Variants in SNTG1 observed in about 807,000 individuals in gnomAD.
The protein encoded by SNTG1 is syntrophin gamma 1.
Under a neutral mutation model 74.7 loss-of-function variants are expected in SNTG1, and 39 were observed. The ratio of observed to expected loss-of-function variants is 0.52; its 90% CI spans 0.40 to 0.68. The LOEUF (loss-of-function observed/expected upper bound fraction) is 0.68, where lower values mean the gene tolerates loss of function less well. Among genes scored for constraint, SNTG1 ranks in the 30% least tolerant of loss-of-function variants. The pLI is 0.00. For missense variants in SNTG1, 685 were observed against 609.5 expected, an observed-to-expected ratio of 1.12 and a Z score of -1.30; for synonymous variants, 254 against 217.1, an observed-to-expected ratio of 1.17 and a Z score of -1.49.
intron 15 of SNTG1, among the ~76,000 whole-genome samples, chr8:50,671,849 GAAT>G (rs1431359527): frequency 6.6e-6 from 1 of 151,758 alleles, no homozygotes; most frequent in East Asian, 1.9e-4. Context: ...ATACACCATG[GAAT>G]ATTATGCAGC....
intron 18 of SNTG1, among the ~76,000 whole-genome samples, chr8:50,789,556 G>T (rs887863188): frequency 1.4e-4 from 21 of 151,932 alleles, no homozygotes. Context: ...TCTAATATGC[G>T]TTCAGATGTA....
At chr8:50,109,469 A>G (rs1586313636) in intron 1 of SNTG1, among the ~76,000 whole-genome samples, 1 of 152,292 alleles carries the variant, frequency 6.6e-6, no homozygotes, top group Admixed American at 6.5e-5. Flanking sequence ...ATAGTGGGGA[A>G]AATTGGTAAA....
intron 5 of SNTG1, among the ~76,000 whole-genome samples, chr8:50,443,856 AG>A (rs2093380908): frequency 6.6e-6 from 1 of 152,190 alleles, no homozygotes; most frequent in Admixed American, 6.5e-5. Context: ...AAATAAGACC[AG>A]GCACGGTGGC....
chr8:50,606,009 T>A (rs2094809646), intron 13 of SNTG1, among the ~76,000 whole-genome samples: 1 of 152,172 alleles, frequency 6.6e-6, no homozygotes, highest in African/African-American at 2.4e-5. Context: ...TTGATGTGTA[T>A]TTGAATTTCC....
chr8:50,335,237 C>T (rs1410514593), intron 2 of SNTG1, among the ~76,000 whole-genome samples: 1 of 152,148 alleles, frequency 6.6e-6, no homozygotes, highest in African/African-American at 2.4e-5. Context: ...GCAGTCATAA[C>T]AGATAACCAC....
intron 13 of SNTG1, among the ~76,000 whole-genome samples, chr8:50,650,088 A>C (rs986655695): frequency 6.6e-6 from 1 of 151,942 alleles, no homozygotes; most frequent in Non-Finnish European, 1.5e-5. Flanking sequence ...AGAATAATTT[A>C]AATAATTCAC....
chr8:50,068,380 C>A (rs1260657742), intron 1 of SNTG1, among the ~76,000 whole-genome samples: 1 of 152,132 alleles, frequency 6.6e-6, no homozygotes, highest in East Asian at 1.9e-4. Flanking sequence ...GGAGTCAAAC[C>A]ACAGTAGTCA....
At chr8:50,153,453 G>A (rs910653068) in intron 1 of SNTG1, among the ~76,000 whole-genome samples, 6 of 152,314 alleles carry the variant, frequency 3.9e-5, no homozygotes, top group Non-Finnish European at 8.8e-5. Flanking sequence ...GAGGAGCTGT[G>A]TTCCTTTGGA....
chr8:50,583,154 G>A (rs1169427347), intron 12 of SNTG1, among the ~76,000 whole-genome samples: 1 of 151,996 alleles, frequency 6.6e-6, no homozygotes, highest in Non-Finnish European at 1.5e-5. Context: ...GTAATCTTAA[G>A]TACTTTGGGA....
chr8:50,629,624 A>C (rs1318457667), intron 13 of SNTG1, among the ~76,000 whole-genome samples: 1 of 152,032 alleles, frequency 6.6e-6, no homozygotes, highest in Non-Finnish European at 1.5e-5. Flanking sequence ...TAATTTTAGA[A>C]CCTGAGTGGT....
intron 5 of SNTG1, among the ~76,000 whole-genome samples, chr8:50,448,685 T>TAA (rs1397444358): frequency 6.6e-6 from 1 of 152,222 alleles, no homozygotes; most frequent in Admixed American, 6.5e-5. Flanking sequence ...TTCTTTCACA[T>TAA]AAGTTTAGCT....
At chr8:50,177,253 G>C (rs1206583116) in intron 2 of SNTG1, among the ~76,000 whole-genome samples, 3 of 152,310 alleles carry the variant, frequency 2.0e-5, no homozygotes, top group African/African-American at 7.2e-5. Context: ...GTGTCTCCCT[G>C]AGAGTGTGGG....
chr8:50,301,687 T>A (rs1465739904), intron 2 of SNTG1, among the ~76,000 whole-genome samples: 6 of 152,122 alleles, frequency 3.9e-5, no homozygotes, highest in African/African-American at 1.4e-4. Context: ...AATTTTAGAT[T>A]CTCACATCCC....
rs533769936 is a variant in SNTG1 at position 50,735,432 on chromosome 8, C to A, written c.1285-16569C>A. The stretch of plus-strand genomic sequence containing the variant: ...CCAGTTTAGGGAAGAACACAAATGA[C>A]CTGATGGAGCTGAGAAACATAGCAC... On this transcript the variant is annotated intron_variant, in intron 17 of 18. Coordinates refer to ENST00000642720, the MANE Select transcript of SNTG1 (RefSeq NM_018967.5). Among the ~76,000 whole-genome samples the A allele has an allele frequency of 2.2e-4, 34 of 151,844 alleles. No homozygotes were observed. The South Asian group carries it at 5.0e-3, about 22-fold the overall frequency.
chr8:50,298,929 C>T (rs899814038), intron 2 of SNTG1, among the ~76,000 whole-genome samples: 4 of 152,040 alleles, frequency 2.6e-5, no homozygotes, highest in Non-Finnish European at 5.9e-5. Context: ...CAAAATCAAC[C>T]ATAAGAAATA....
intron 9 of SNTG1, among the ~76,000 whole-genome samples, chr8:50,507,033 A>G (rs1267702773): frequency 6.6e-6 from 1 of 152,028 alleles, no homozygotes; most frequent in Non-Finnish European, 1.5e-5. Context: ...AATTGTGAAA[A>G]TATTGAATTT....
At chr8:50,421,864 C>A (rs182669017) in intron 4 of SNTG1, among the ~76,000 whole-genome samples, 2 of 152,262 alleles carry the variant, frequency 1.3e-5, no homozygotes, top group African/African-American at 4.8e-5. Flanking sequence ...AAAGCTTATA[C>A]ACCATCTTGA....
chr8:50,323,642 GA>G (rs2090617363), intron 2 of SNTG1, among the ~76,000 whole-genome samples: 1 of 152,142 alleles, frequency 6.6e-6, no homozygotes, highest in African/African-American at 2.4e-5. Flanking sequence ...GAAACAAGCA[GA>G]GTCTCTTTCT....
At chr8:50,090,182 A>G (rs2079667114) in intron 1 of SNTG1, among the ~76,000 whole-genome samples, 1 of 152,136 alleles carries the variant, frequency 6.6e-6, no homozygotes, top group African/African-American at 2.4e-5. Context: ...CAAAGTTTCA[A>G]ATTTCATTAG....
Sources: allele counts gnomAD v4.1 joint callset (sites outside exome capture counted in the v4.1 genomes callset), GRCh38; gene constraint gnomAD v4.1.1; transcripts MANE v1.5; gene names NCBI Gene and HGNC (gene_info 2026-07-23, HGNC 2026-07-21).